The following ZNF585B variants were observed in gnomAD, a reference collection of about 807,000 sequenced individuals.
ZNF585B encodes the protein zinc finger protein 41-like protein.
A neutral mutation model predicts 14.0 loss-of-function variants in ZNF585B; 7 were observed. The ratio of observed to expected loss-of-function variants is 0.50; its 90% CI spans 0.28 to 0.94. The LOEUF (loss-of-function observed/expected upper bound fraction) is 0.94. ZNF585B is among the 40% of genes least tolerant of loss of function. The probability of loss-of-function intolerance (pLI) is 0.09; values close to 1 mark genes in which losing one functional copy is unlikely to be tolerated. For synonymous variants in ZNF585B, 290 were observed against 317.3 expected, an observed-to-expected ratio of 0.91 and a Z score of 0.91; for missense variants, 750 against 924.4, an observed-to-expected ratio of 0.81 and a Z score of 2.45.
intron 2 of ZNF585B, among the ~76,000 whole-genome samples, chr19:37,195,375 T>A (rs1284164178): frequency 5.0e-3 from 325 of 64,692 alleles, no homozygotes; most frequent in Admixed American, 6.5e-3. Flanking sequence ...AAAAAAAAAA[T>A]TCAGGAAAAC....
At chr19:37,193,348 G>A (rs943954229) in intron 2 of ZNF585B, among the ~76,000 whole-genome samples, 1 of 151,706 alleles carries the variant, frequency 6.6e-6, no homozygotes, top group Admixed American at 6.6e-5. Context: ...GCGGGCGCCT[G>A]TAGTCCCAGC....
In ZNF585B at chr19:37,188,994, A is replaced by G. The variant is rs186404183; in HGVS notation, c.292+667T>C. On this transcript the variant is annotated intron_variant, in intron 4 of 4. Transcript: ENST00000532828. ...GCTCTGTCACCCAGGCTGGAGTGCAATGGCATGATCTTGGCTCACTGCAAC... is the reference window on the plus strand; with the variant it reads ...GCTCTGTCACCCAGGCTGGAGTGCAGTGGCATGATCTTGGCTCACTGCAAC... Among the ~76,000 whole-genome samples the G allele has an allele frequency of 7.7e-3, 1,168 of 151,466 alleles. 20 individuals are homozygous for G. Among genetic ancestry groups the G allele is most frequent in the African/African-American group, 0.027 (1,123 of 41,246 alleles).
At chr19:37,193,340 G>A (rs1393218065) in intron 2 of ZNF585B, among the ~76,000 whole-genome samples, 6 of 151,452 alleles carry the variant, frequency 4.0e-5, no homozygotes, top group Non-Finnish European at 8.8e-5. Flanking sequence ...GCGCAGTGGC[G>A]GGCGCCTGTA....
Position 37,186,474 on chromosome 19 carries a change from T to C in ZNF585B, c.1063A>G (p.Ile355Val). 3.1e-6 allele frequency: 5 copies of C among 1,614,190 alleles called. No individual in the cohort carries two copies. Among genetic ancestry groups the C allele is most frequent in the Non-Finnish European group, 4.2e-6 (5 of 1,180,034 alleles). The part of the protein sequence containing the change: ...EKIQSREKSS[I>V]CTECGKAFTY... The stretch of plus-strand genomic sequence containing the variant: ...AAGGCCTTCCCACACTCAGTACATA[T>C]GGAAGATTTCTCTCTACTTTGAATC... Residue 355 changes from isoleucine (I) to valine (V), a missense_variant, in exon 5 of 5, where the codon ATA becomes GTA. Ile to Val is a conservative substitution (Grantham distance 29, BLOSUM62 3). Transcript: ENST00000532828.
At position 37,186,610 on chromosome 19, in the gene ZNF585B, G is replaced by A; in HGVS notation, c.927C>T (p.Ser309=). The part of the protein sequence containing the change: ...ECNNCGKSFI[S]KSQLQVHQRV... ...GTTGATGTACCTGAAGTTGTGACTT[G>A]GAAATGAAGGATTTGCCACAGTTAT... The change falls in exon 5 of 5, where the codon TCC becomes TCT. Residue 309 remains serine (S), a synonymous_variant. Coordinates refer to ENST00000532828, the MANE Select transcript of ZNF585B (RefSeq NM_152279.4). 1 of 1,614,168 alleles carries A rather than the reference G, an allele frequency of 6.2e-7. No homozygotes were observed. Among genetic ancestry groups the A allele is most frequent in the South Asian group, 1.1e-5 (1 of 91,086 alleles).
intron 2 of ZNF585B, among the ~76,000 whole-genome samples, chr19:37,202,159 C>A (rs1438667438): frequency 1.3e-5 from 2 of 151,700 alleles, no homozygotes; most frequent in Non-Finnish European, 2.9e-5. Flanking sequence ...GGATTACAGG[C>A]GCCCGCCTAA....
intron 1 of ZNF585B, among the ~76,000 whole-genome samples, chr19:37,209,768 T>G (rs1043310149): frequency 1.4e-5 from 2 of 141,390 alleles, no homozygotes; most frequent in Middle Eastern, 7.9e-3. Context: ...CAGGCTGGAG[T>G]GCAGTGGCAA....
intron 4 of ZNF585B, among the ~76,000 whole-genome samples, 163 bp from the exon 5 acceptor site, chr19:37,187,407 T>C (rs1972351706): frequency 6.6e-6 from 1 of 152,052 alleles, no homozygotes; most frequent in South Asian, 2.1e-4. Context: ...TAGGGGGATG[T>C]AAAATGTTTG....
intron 2 of ZNF585B, among the ~76,000 whole-genome samples, chr19:37,198,119 TTA>T (rs1395834514): frequency 6.6e-6 from 1 of 152,142 alleles, no homozygotes; most frequent in Non-Finnish European, 1.5e-5. Flanking sequence ...GATAGAGAGC[TTA>T]TGATTAATTG....
chr19:37,187,861 A>T (rs1232098744), intron 4 of ZNF585B, among the ~76,000 whole-genome samples: 1 of 152,218 alleles, frequency 6.6e-6, no homozygotes, highest in African/African-American at 2.4e-5. Flanking sequence ...AAAAGAAATA[A>T]ACTAGATGAA....
intron 1 of ZNF585B, among the ~76,000 whole-genome samples, chr19:37,207,560 T>A: frequency 6.6e-6 from 1 of 152,210 alleles, no homozygotes; most frequent in East Asian, 1.9e-4. Flanking sequence ...GGAAAAGCCA[T>A]GAAATTTAGA....
Position 37,186,678 on chromosome 19 carries a change from C to A in ZNF585B, c.859G>T (p.Ala287Ser). Residue 287 changes from alanine (A) to serine (S), a missense_variant, in exon 5 of 5, where the codon GCA (alanine) becomes TCA (serine). Ala to Ser is a moderately conservative substitution (Grantham distance 99, BLOSUM62 1). Coordinates refer to ENST00000532828, the MANE Select transcript of ZNF585B (RefSeq NM_152279.4). ...TCTCCACTATGAATTCTTCGGTGTGCAATCAATTGTGTTTTCTGGATGAAG... is the reference window on the plus strand; with the variant it reads ...TCTCCACTATGAATTCTTCGGTGTGAAATCAATTGTGTTTTCTGGATGAAG... ...QAFIQKTQLI[A>S]HRRIHSGEKP... 1 of 1,614,130 alleles carries A rather than the reference C, an allele frequency of 6.2e-7. No individual in the cohort carries two copies. Among genetic ancestry groups the A allele is most frequent in the Non-Finnish European group, 8.5e-7 (1 of 1,180,034 alleles).
Position 37,197,019 on chromosome 19 carries a change from T to C in ZNF585B, c.73-6869A>G, listed in dbSNP as rs986557209. ...ATTATACTTTAAGTTCTAGGGTACA[T>C]GTGCACAACGTGCAGGTTTGATACA... On this transcript the variant is annotated intron_variant, in intron 2 of 4. Transcript: ENST00000532828. Among the ~76,000 whole-genome samples the C allele has an allele frequency of 4.6e-5, 7 of 152,162 alleles. No homozygotes were observed. In the East Asian group the frequency reaches 5.8e-4, roughly 13 times the overall value.
chr19:37,198,063 G>A (rs1972488435), intron 2 of ZNF585B, among the ~76,000 whole-genome samples: 1 of 152,154 alleles, frequency 6.6e-6, no homozygotes, highest in African/African-American at 2.4e-5. Context: ...TGTATATGTT[G>A]AGATTTAGCT....
chr19:37,202,699 A>G (rs1418377559), intron 2 of ZNF585B, among the ~76,000 whole-genome samples: 3 of 150,672 alleles, frequency 2.0e-5, no homozygotes, highest in Non-Finnish European at 4.4e-5. Context: ...CTGGAGTACA[A>G]TGACGCAATC....
intron 1 of ZNF585B, among the ~76,000 whole-genome samples, chr19:37,210,205 G>A (rs769560081): frequency 2.3e-4 from 35 of 151,840 alleles, no homozygotes; most frequent in Non-Finnish European, 4.4e-4. Flanking sequence ...AGTCCTCACC[G>A]ACCACCATAG....
chr19:37,189,990 G>C (rs1424903918), intron 3 of ZNF585B, 34 bp downstream of exon 3: 9 of 1,610,326 alleles, frequency 5.6e-6, no homozygotes, highest in Non-Finnish European at 7.6e-6. Flanking sequence ...TCTCAGTGAG[G>C]CCTCCTTTCA....
chr19:37,186,299 A>G lies in ZNF585B; in HGVS notation c.1238T>C (p.Met413Thr). ...IHTGEKSYIC[M>T]KCGLAFIRKA... ...CCGGATGAAGGCCAGTCCACATTTC[A>G]TGCATATATACGATTTTTCTCCTGT... Residue 413 changes from methionine (M) to threonine (T), a missense_variant, in exon 5 of 5, where the codon ATG becomes ACG. This residue lies in a region of ZNF585B where 517 missense variants were observed against 570.3 expected (regional missense o/e 0.91). Coordinates refer to ENST00000532828, the MANE Select transcript of ZNF585B (RefSeq NM_152279.4). 6.2e-7 allele frequency: 1 copy of G among 1,613,986 alleles called. No individual in the cohort carries two copies. The highest frequency in any genetic ancestry group is 1.7e-4 in the Middle Eastern group (1 of 6,060).
Position 37,186,882 on chromosome 19 carries a change from A to G in ZNF585B, c.655T>C (p.Cys219Arg), listed in dbSNP as rs150987624. Residue 219 changes from cysteine (C) to arginine (R), a missense_variant, in exon 5 of 5, where the codon TGT becomes CGT. Transcript: ENST00000532828. ...GAGTTATAAGGGAAACCTTTCCCAC[A>G]TTCACTACATTCATATAGTTTTTCT... ...TGEKLYECSE[C>R]GKGFPYNSDL... 4 of 1,613,838 alleles carry G rather than the reference A, an allele frequency of 2.5e-6. No individual in the cohort carries two copies. Among genetic ancestry groups the G allele is most frequent in the Non-Finnish European group, 3.4e-6 (4 of 1,179,856 alleles).
Sources: gnomAD v4.1 joint callset for allele counts (sites outside exome capture counted in the v4.1 genomes callset) on GRCh38, gnomAD v4.1.1 for gene constraint, gnomAD v4.1.1 regional missense constraint, MANE v1.5 for transcripts, NCBI Gene and HGNC (gene_info 2026-07-23, HGNC 2026-07-21) for gene names.